HMCN1: variants seen among roughly 807,000 people sequenced by gnomAD.
HMCN1 encodes the protein hemicentin 1, also known as hemicentin-1.
In HMCN1, 321 loss-of-function variants were observed where a neutral mutation model predicts 625.9. The ratio of observed to expected loss-of-function variants is 0.51; its 90% CI spans 0.47 to 0.56. The LOEUF (loss-of-function observed/expected upper bound fraction) is 0.56, where lower values mean the gene tolerates loss of function less well. Ranked by LOEUF, HMCN1 falls within the 20% of genes least tolerant of loss-of-function variation. The probability of loss-of-function intolerance (pLI) is 0.00; values close to 1 mark genes in which losing one functional copy is unlikely to be tolerated. For synonymous variants in HMCN1, 2,425 were observed against 2,417.6 expected (o/e 1.00, Z -0.09); for missense variants, 6,588 against 6,887.3 (o/e 0.96, Z 1.54).
In HMCN1 at chr1:186,062,579, A is replaced by T. The variant is rs376556463; in HGVS notation, c.7492A>T (p.Thr2498Ser). 1.7e-5 allele frequency: 28 copies of T among 1,612,294 alleles called. No individual in the cohort carries two copies. In the African/African-American group the frequency reaches 2.5e-4, roughly 15 times the overall value. ...DVKVKEKQSV[T>S]LTCEVTGNPV... ...GAAGGTAAAAGAGAAACAGAGTGTT[A>T]CGCTGACTTGTGAAGTGACAGGTAT... Residue 2498 changes from threonine to serine, a missense_variant, in exon 48 of 107, where the codon ACG (threonine) becomes TCG (serine). Thr to Ser is a moderately conservative substitution (Grantham distance 58). Coordinates refer to ENST00000271588, the MANE Select transcript of HMCN1 (RefSeq NM_031935.3).
chr1:185,949,368 G>A lies in HMCN1; in HGVS notation c.1829-13150G>A, dbSNP rs181833059. Among the ~76,000 whole-genome samples, 965 of 151,908 alleles carry A rather than the reference G, an allele frequency of 6.4e-3. 9 individuals carry two copies. Among genetic ancestry groups the A allele is most frequent in the Non-Finnish European group, 0.011 (756 of 68,004 alleles). On this transcript the variant is annotated intron_variant, in intron 11 of 106. Transcript: ENST00000271588. ...AGACTGGGGCCTAATAAAAAGGAGC[G>A]TGTATACAGGAGCTCAAATGGGCTG...
intron 63 of HMCN1, 148 bp downstream of exon 63, chr1:186,088,903 T>A: frequency 1.3e-6 from 1 of 786,178 alleles, no homozygotes; most frequent in Non-Finnish European, 2.0e-6. Flanking sequence ...GTCTTATATT[T>A]ACCAGTAGAT....
At chr1:186,045,132 A>C (rs770463814) in intron 40 of HMCN1, among the ~76,000 whole-genome samples, 44 of 152,156 alleles carry the variant, frequency 2.9e-4, no homozygotes, top group Non-Finnish European at 4.3e-4. Context: ...ACTAAACTGC[A>C]AGTCAGAAGG....
intron 1 of HMCN1, among the ~76,000 whole-genome samples, chr1:185,841,803 A>G (rs1262364049): frequency 6.6e-6 from 1 of 152,168 alleles, no homozygotes; most frequent in Non-Finnish European, 1.5e-5. Context: ...AATTATGTCT[A>G]TCCTACCTAC....
In HMCN1 at chr1:185,796,079, C is replaced by T. The variant is rs1490297080; in HGVS notation, c.269-49947C>T. On this transcript the variant is annotated intron_variant, in intron 1 of 106. Coordinates refer to ENST00000271588, the MANE Select transcript of HMCN1 (RefSeq NM_031935.3). ...ATAGTGTACATCAGCGGTCCTCAAA[C>T]TTTTTGGCACCAGTGACTGGGTTTG... Among the ~76,000 whole-genome samples the T allele has an allele frequency of 4.6e-5, 7 of 152,278 alleles. No homozygotes were observed. The East Asian group carries it at 1.2e-3, about 25-fold the overall frequency.
rs567206887 is a variant in HMCN1 at position 186,140,525 on chromosome 1, T to C, written c.13924+2553T>C. Among the ~76,000 whole-genome samples, 4 of 152,328 alleles carry C rather than the reference T, an allele frequency of 2.6e-5. No individual in the cohort carries two copies. The South Asian group carries it at 8.3e-4, about 32-fold the overall frequency. ...ATGTCAGTTTGTCCCATACTGGTGG[T>C]GTTAACTTTCTTCACTTGTTTAAGG... On this transcript the variant is annotated intron_variant, in intron 89 of 106. Transcript: ENST00000271588.
intron 105 of HMCN1, among the ~76,000 whole-genome samples, chr1:186,182,993 T>C (rs1310848494): frequency 6.6e-6 from 1 of 152,212 alleles, no homozygotes; most frequent in Non-Finnish European, 1.5e-5. Flanking sequence ...TTGGTAAAGT[T>C]GATTATATTG....
At chr1:185,944,508 A>G (rs1229851139) in intron 11 of HMCN1, among the ~76,000 whole-genome samples, 1 of 152,236 alleles carries the variant, frequency 6.6e-6, no homozygotes, top group Non-Finnish European at 1.5e-5. Flanking sequence ...TTGTGAGTAA[A>G]GAAGATGGAA....
chr1:185,753,724 A>G (rs575500017), intron 1 of HMCN1, among the ~76,000 whole-genome samples: 1 of 152,316 alleles, frequency 6.6e-6, no homozygotes, highest in East Asian at 1.9e-4. Flanking sequence ...CAAGAATGAG[A>G]TATCAACTTA....
intron 97 of HMCN1, among the ~76,000 whole-genome samples, chr1:186,154,421 C>T (rs1197352715): frequency 6.6e-6 from 1 of 152,104 alleles, no homozygotes; most frequent in Non-Finnish European, 1.5e-5. Flanking sequence ...ACTGTGGAGG[C>T]TGAGGCAGGA....
chr1:185,837,095 T>TG (rs1299521967), intron 1 of HMCN1, among the ~76,000 whole-genome samples: 1 of 151,126 alleles, frequency 6.6e-6, no homozygotes, highest in Non-Finnish European at 1.5e-5. Context: ...AGTCTACTGT[T>TG]GATGGGCATT....
intron 6 of HMCN1, among the ~76,000 whole-genome samples, chr1:185,921,657 C>A (rs1414589875): frequency 6.6e-6 from 1 of 152,150 alleles, no homozygotes; most frequent in Admixed American, 6.5e-5. Context: ...CCATCTCCTA[C>A]TTCTACTTAA....
chr1:185,778,960 C>T (rs1656836001), intron 1 of HMCN1, among the ~76,000 whole-genome samples: 1 of 152,188 alleles, frequency 6.6e-6, no homozygotes, highest in Non-Finnish European at 1.5e-5. Flanking sequence ...ACACTGCCAC[C>T]AACAGTGTAA....
At chr1:185,894,028 T>A (rs1571518491) in intron 4 of HMCN1, among the ~76,000 whole-genome samples, 1 of 150,960 alleles carries the variant, frequency 6.6e-6, no homozygotes, top group South Asian at 2.1e-4. Flanking sequence ...CCAGCTACTC[T>A]GGAGGCTGAG....
Position 185,930,624 on chromosome 1 carries a change from G to A in HMCN1, c.1552+1957G>A, listed in dbSNP as rs774898786. ...AAAGCCCAAGTTCTACCAATATGTC[G>A]CCTCAATTTTTGCCAGCACTTTTTT... On this transcript the variant is annotated intron_variant, in intron 10 of 106. Coordinates refer to ENST00000271588, the MANE Select transcript of HMCN1 (RefSeq NM_031935.3). Among the ~76,000 whole-genome samples the A allele has an allele frequency of 2.3e-4, 35 of 152,002 alleles. 1 individual carries two copies. Among genetic ancestry groups the A allele is most frequent in the Middle Eastern group, 3.2e-3 (1 of 316 alleles).
Position 186,032,690 on chromosome 1 carries a change from G to A in HMCN1, c.5750-5244G>A, listed in dbSNP as rs531637823. On this transcript the variant is annotated intron_variant, in intron 36 of 106. Coordinates refer to ENST00000271588, the MANE Select transcript of HMCN1 (RefSeq NM_031935.3). ...TTCCTTTATAAATTACCCAGTCTTGGGTATGTCTTTATTAGCAGCATGAGA... is the reference window on the plus strand; with the variant it reads ...TTCCTTTATAAATTACCCAGTCTTGAGTATGTCTTTATTAGCAGCATGAGA... 1.2e-4 allele frequency among the ~76,000 whole-genome samples: 18 copies of A among 151,904 alleles called. No individual in the cohort carries two copies. The South Asian group carries it at 2.7e-3, about 23-fold the overall frequency.
Position 186,145,932 on chromosome 1 carries a change from C to G in HMCN1, c.14608+9C>G. 6.2e-7 allele frequency: 1 copy of G among 1,612,900 alleles called. No individual in the cohort carries two copies. The highest frequency in any genetic ancestry group is 1.7e-5 in the Admixed American group (1 of 59,840). On this transcript the variant is annotated intron_variant, in intron 93 of 106. Transcript: ENST00000271588. ...TGTACAAGCATGTCCAGGTAAGCAA[C>G]TAAATTGGACTTTGGTAGCACATTT...
intron 1 of HMCN1, among the ~76,000 whole-genome samples, chr1:185,785,362 C>T (rs1335289453): frequency 6.6e-6 from 1 of 152,160 alleles, no homozygotes; most frequent in African/African-American, 2.4e-5. Context: ...TTCACTTTCT[C>T]TTCTCTGGTG....
Position 186,061,857 on chromosome 1 carries a change from G to T in HMCN1, c.7319G>T (p.Arg2440Met). The T allele has an allele frequency of 6.2e-7, 1 of 1,608,458 alleles. No homozygotes were observed. The highest frequency in any genetic ancestry group is 8.5e-7 in the Non-Finnish European group (1 of 1,175,204). ...SNSVRILSGG[R>M]MLRLMQTTME... ...AGATGGTTTGCTTCTGCAGGAGGCA[G>T]GATGCTACGGCTGATGCAGACCACA... is the stretch of plus-strand genomic sequence containing the variant. The change falls in exon 47 of 107, where the codon AGG becomes ATG. Residue 2440 changes from arginine to methionine, a missense_variant. Physicochemically the swap from Arg to Met is moderately conservative, Grantham distance 91 (BLOSUM62 -1). Around this residue, in one of 3 missense-constraint regions of HMCN1, gnomAD observed 4,628 missense variants for 4,853.1 expected, o/e 0.95. Transcript: ENST00000271588.
Sources: allele counts gnomAD v4.1 joint callset (sites outside exome capture counted in the v4.1 genomes callset), GRCh38; gene constraint gnomAD v4.1.1; regional missense constraint gnomAD v4.1.1; transcripts MANE v1.5; gene names NCBI Gene and HGNC (gene_info 2026-07-23, HGNC 2026-07-21).